Variants in LILRA1 observed in about 807,000 individuals in gnomAD.
LILRA1 encodes leukocyte immunoglobulin-like receptor subfamily A member 1.
Under a neutral mutation model 51.6 loss-of-function variants are expected in LILRA1, and 51 were observed. The observed-to-expected ratio is 0.99, with a 90% CI of 0.79 to 1.25. The LOEUF is 1.25. Among genes scored for constraint, LILRA1 ranks in the 50% most tolerant of loss-of-function variants. LILRA1 has a pLI of 0.00. For synonymous variants in LILRA1, 305 were observed against 248.4 expected (o/e 1.23, Z -2.14); for missense variants, 660 against 611.7 (o/e 1.08, Z -0.83).
At chr19:54,597,724 C>T (rs988552846) in intron 7 of LILRA1, among the ~76,000 whole-genome samples, 2 of 151,878 alleles carry the variant, frequency 1.3e-5, no homozygotes, top group East Asian at 2.0e-4. Context: ...TGAGGATGAA[C>T]CCCTCACCCA....
At chr19:54,597,640 A>G (rs2063086882) in intron 7 of LILRA1, among the ~76,000 whole-genome samples, 1 of 151,938 alleles carries the variant, frequency 6.6e-6, no homozygotes, top group Admixed American at 6.6e-5. Context: ...GAGGAGGAAC[A>G]GAGGCGGGCG....
rs373608430 is a variant in LILRA1 at position 54,602,063 on chromosome 19, A to T, written c.*1246A>T. 3.3e-5 allele frequency: 5 copies of T among 152,188 alleles called. No individual in the cohort carries two copies. The East Asian group carries it at 9.7e-4, about 29-fold the overall frequency. 9.4% of individuals were successfully genotyped at this position (152,188 alleles called of 1,614,324 possible). ...TATCATTCACCATCTACCCTCTAGA[A>T]TAAAGAAATCTTATCATTCGCCATC... On this transcript the variant is annotated 3_prime_UTR_variant, in exon 10 of 10. Transcript: ENST00000251372.
Position 54,600,564 on chromosome 19 carries a change from T to A in LILRA1, c.1351+14T>A, listed in dbSNP as rs772142031. 3 of 1,613,990 alleles carry A rather than the reference T, an allele frequency of 1.9e-6. No individual in the cohort carries two copies. In the South Asian group the frequency reaches 3.3e-5, roughly 18 times the overall value. ...AAAACAAGACTGGTGAGTGAGGAGA[T>A]GCTCTCGTTTACGGTGCTGGGCACA... On this transcript the variant is annotated intron_variant, in intron 9 of 9. Transcript: ENST00000251372.
chr19:54,598,093 G>C (rs893954527), intron 7 of LILRA1, among the ~76,000 whole-genome samples: 1 of 149,248 alleles, frequency 6.7e-6, no homozygotes, highest in Non-Finnish European at 1.5e-5. Context: ...CTGCTCCCTG[G>C]ATGAGTTAGG....
At chr19:54,600,441 G>A in intron 8 of LILRA1, 71 bp from the exon 9 acceptor site, 3 of 1,490,176 alleles carry the variant, frequency 2.0e-6, no homozygotes, top group African/African-American at 1.4e-5. Context: ...AGAAGACATA[G>A]GGGAAGATAA....
chr19:54,596,517 C>G, intron 7 of LILRA1, 26 bp downstream of exon 7: 21 of 1,454,334 alleles, frequency 1.4e-5, no homozygotes, highest in Non-Finnish European at 2.0e-5. Flanking sequence ...CTGTCCTCTC[C>G]GAGCTCAAAG....
chr19:54,596,640 G>C, intron 7 of LILRA1, 149 bp downstream of exon 7: 1 of 1,119,448 alleles, frequency 8.9e-7, no homozygotes, highest in Non-Finnish European at 1.3e-6. Context: ...GGCCCAGGCG[G>C]GTGGATCAGG....
At chr19:54,595,055 G>A (rs1490164229) in intron 4 of LILRA1, 45 bp from the exon 5 acceptor site, 1 of 1,601,752 alleles carries the variant, frequency 6.2e-7, no homozygotes, top group African/African-American at 1.3e-5. Context: ...GGGATGAAGT[G>A]GGAGGTGTGA....
At position 54,595,401 on chromosome 19, in the gene LILRA1, A is replaced by C. The variant is rs2063018347; in HGVS notation, c.660A>C (p.Leu220=). The change falls in exon 5 of 10, where the codon CTA becomes CTC. Residue 220 remains leucine, a splice_region_variant and synonymous_variant. Coordinates refer to ENST00000251372, the MANE Select transcript of LILRA1 (RefSeq NM_006863.4). The part of the protein sequence containing the change: ...LPSDLLELLV[L]GVSKKPSLSV... ...GTGATCTCCTGGAGCTCCTGGTCCT[A>C]GGTGAGAAATTCACAGCATTGCCTG... The C allele has an allele frequency of 1.0e-5, 16 of 1,604,294 alleles. No homozygotes were observed. Among genetic ancestry groups the C allele is most frequent in the Non-Finnish European group, 1.4e-5 (16 of 1,174,838 alleles).
At chr19:54,597,491 C>A (rs118102390) in intron 7 of LILRA1, among the ~76,000 whole-genome samples, 2 of 152,032 alleles carry the variant, frequency 1.3e-5, no homozygotes, top group African/African-American at 4.8e-5. Flanking sequence ...GAAAGCAACA[C>A]GTGGCACAGC....
intron 8 of LILRA1, among the ~76,000 whole-genome samples, chr19:54,600,234 G>A (rs956572126): frequency 9.9e-5 from 15 of 152,136 alleles, no homozygotes; most frequent in Admixed American, 7.2e-4. Context: ...CACAGACAGC[G>A]CACAGGGCTC....
intron 7 of LILRA1, among the ~76,000 whole-genome samples, chr19:54,597,318 C>A (rs561973022): frequency 2.2e-4 from 34 of 152,280 alleles, no homozygotes; most frequent in African/African-American, 7.9e-4. Context: ...GCAGGTGTTC[C>A]CTCCGTGGTG....
chr19:54,596,295 C>A lies in LILRA1; in HGVS notation c.1065C>A (p.Phe355Leu). ...AGTCATGGGGGCCGTTCCACACTTT[C>A]CTTCTGACCAAGGCGGGAGCAGCTG... ...LCQSWGPFHT[F>L]LLTKAGAADA... The change falls in exon 7 of 10, where the codon TTC (phenylalanine) becomes TTA (leucine). Residue 355 changes from phenylalanine (F) to leucine (L), a missense_variant. Phe to Leu is a conservative substitution (Grantham distance 22). Transcript: ENST00000251372. The A allele has an allele frequency of 1.2e-6, 2 of 1,614,128 alleles. No homozygotes were observed. The highest frequency in any genetic ancestry group is 8.5e-7 in the Non-Finnish European group (1 of 1,180,012).
chr19:54,597,569 C>T (rs192264954), intron 7 of LILRA1, among the ~76,000 whole-genome samples: 3 of 151,746 alleles, frequency 2.0e-5, no homozygotes, highest in South Asian at 2.2e-4. Flanking sequence ...GAGAACAGGT[C>T]GGGTCAGCAG....
Position 54,600,421 on chromosome 19 carries a change from A to G in LILRA1, c.1313-91A>G. The G allele has an allele frequency of 2.3e-6, 3 of 1,294,636 alleles. No homozygotes were observed. In the East Asian group the frequency reaches 6.9e-5, roughly 30 times the overall value. 80.2% of individuals were successfully genotyped at this position (1,294,636 alleles called of 1,614,324 possible). On this transcript the variant is annotated intron_variant, in intron 8 of 9. Coordinates refer to ENST00000251372, the MANE Select transcript of LILRA1 (RefSeq NM_006863.4). ...AAGGGTTTATTGAGGAACTCCCTAGAACTCATGTCAGAAGACATAGGGGAA... is the reference window on the plus strand; with the variant it reads ...AAGGGTTTATTGAGGAACTCCCTAGGACTCATGTCAGAAGACATAGGGGAA...
At position 54,600,847 on chromosome 19, in the gene LILRA1, A is replaced by G. The variant is rs745906794; in HGVS notation, c.*30A>G. 4 of 1,611,074 alleles carry G rather than the reference A, an allele frequency of 2.5e-6. No individual in the cohort carries two copies. The East Asian group carries it at 6.7e-5, about 27-fold the overall frequency. ...CAGCCGGGAGGTGAACAGCAGAGAG[A>G]AGAATGTACCCTTCAGAGTGGTGGA... is the stretch of plus-strand genomic sequence containing the variant. On this transcript the variant is annotated 3_prime_UTR_variant, in exon 10 of 10. Coordinates refer to ENST00000251372, the MANE Select transcript of LILRA1 (RefSeq NM_006863.4).
At position 54,593,693 on chromosome 19, in the gene LILRA1, AG is replaced by A. The variant is rs1319247904; in HGVS notation, c.-136del. 2 of 509,532 alleles carry A rather than the reference AG, an allele frequency of 3.9e-6. No homozygotes were observed. The highest frequency in any genetic ancestry group is 2.0e-5 in the African/African-American group (1 of 50,942). The allele number at this position is 509,532 out of a possible 1,614,324, so 31.6% of individuals were successfully genotyped here. ...AACCTGAGCTACACAGCCAGATGCG[AG>A]ATGCTTCTCTGCTGATCTGAGTCTG... On this transcript the variant is annotated 5_prime_UTR_variant, in exon 1 of 10. It introduces an in-frame stop codon into an upstream open reading frame of the 5' UTR. Transcript: ENST00000251372.
chr19:54,594,428 A>G lies in LILRA1; in HGVS notation c.35-13A>G. 1 of 1,614,188 alleles carries G rather than the reference A, an allele frequency of 6.2e-7. No individual in the cohort carries two copies. Among genetic ancestry groups the G allele is most frequent in the Non-Finnish European group, 8.5e-7 (1 of 1,180,034 alleles). ...CTTCAGGGGCAAATTCCTCACAGGG[A>G]ACTCTCTTCCAGGGCTGAGTCTGGG... On this transcript the variant is annotated splice_polypyrimidine_tract_variant and intron_variant, in intron 2 of 9. Transcript: ENST00000251372.
In LILRA1 at chr19:54,600,518, C is replaced by T; in HGVS notation, c.1319C>T (p.Ala440Val). Residue 440 changes from alanine (A) to valine (V), a missense_variant, in exon 9 of 10, where the codon GCT becomes GTT. By Grantham distance (64) the Ala-to-Val change is moderately conservative. Transcript: ENST00000251372. ...CCTCTGTTTTTATTCTCAGGAGCAG[C>T]TAACACCCTCAGCCCATCACAAAAC... Reference protein sequence around the residue: ...QNKSDSKAGAANTLSPSQNKT... With the variant: ...QNKSDSKAGAVNTLSPSQNKT... 6.2e-7 allele frequency: 1 copy of T among 1,614,134 alleles called. No individual in the cohort carries two copies. The highest frequency in any genetic ancestry group is 8.5e-7 in the Non-Finnish European group (1 of 1,180,028).
Sources: gnomAD v4.1 joint callset for allele counts (sites outside exome capture counted in the v4.1 genomes callset) on GRCh38, gnomAD v4.1.1 for gene constraint, MANE v1.5 for transcripts, NCBI Gene and HGNC (gene_info 2026-07-23, HGNC 2026-07-21) for gene names.